The following CHN1 variants were observed in gnomAD, a reference collection of about 807,000 sequenced individuals.
The protein encoded by CHN1 is chimerin 1.
CHN1 carries 37 observed loss-of-function variants against 59.5 expected under a neutral mutation model. The ratio of observed to expected loss-of-function variants is 0.62; its 90% CI spans 0.48 to 0.82. The LOEUF (loss-of-function observed/expected upper bound fraction) is 0.82. Among genes scored for constraint, CHN1 ranks in the 40% least tolerant of loss-of-function variants. The pLI, the probability that CHN1 is intolerant of heterozygous loss-of-function variation, is 0.00. For missense variants in CHN1, 469 were observed against 571.0 expected (o/e 0.82, Z 1.82); for synonymous variants, 206 against 200.4 (o/e 1.03, Z -0.24).
At chr2:174,822,505 GA>G (rs573297576) in intron 8 of CHN1, among the ~76,000 whole-genome samples, 5 of 152,042 alleles carry the variant, frequency 3.3e-5, no homozygotes, top group Admixed American at 6.5e-5. Flanking sequence ...TTTCAAAATG[GA>G]AACAATATAC....
At chr2:174,915,675 A>C (rs906694587) in intron 4 of CHN1, among the ~76,000 whole-genome samples, 17 of 152,200 alleles carry the variant, frequency 1.1e-4, no homozygotes, top group African/African-American at 3.6e-4. Flanking sequence ...GCATTACTGA[A>C]CACTCAAGTC....
chr2:174,950,451 G>C (rs1472022185), intron 2 of CHN1, among the ~76,000 whole-genome samples: 3 of 151,814 alleles, frequency 2.0e-5, no homozygotes, highest in East Asian at 3.9e-4. Flanking sequence ...GTATTTAGTA[G>C]AGACGGGTTT....
chr2:174,810,436 T>C (rs1329597317), intron 10 of CHN1, among the ~76,000 whole-genome samples: 1 of 152,218 alleles, frequency 6.6e-6, no homozygotes, highest in East Asian at 1.9e-4. Flanking sequence ...TACAGGAAAC[T>C]GTGTCATTTC....
chr2:174,955,184 C>CTATATA lies in CHN1; in HGVS notation c.20-2988_20-2983dup, dbSNP rs368644554. 8.8e-3 allele frequency among the ~76,000 whole-genome samples: 729 copies of CTATATA among 82,708 alleles called. 8 individuals carry two copies. Among genetic ancestry groups the CTATATA allele is most frequent in the South Asian group, 0.031 (118 of 3,852 alleles). The allele number at this position is 82,708 out of a possible 152,430, so 54.3% of individuals were successfully genotyped here. A position where few individuals can be genotyped will look rare whatever the true frequency, so the allele number is the denominator to read the frequency against. The stretch of plus-strand genomic sequence containing the variant: ...TCTATATATCTCTATATATCTATAT[C>CTATATA]TATATATATATATATAATTGATATA... On this transcript the variant is annotated intron_variant, in intron 1 of 12. Coordinates refer to ENST00000409900, the MANE Select transcript of CHN1 (RefSeq NM_001822.7).
intron 6 of CHN1, 83 bp downstream of exon 6, chr2:174,877,756 TA>T: frequency 7.9e-7 from 1 of 1,269,638 alleles, no homozygotes; most frequent in Non-Finnish European, 1.1e-6. Flanking sequence ...GCACTGTGGA[TA>T]AATCAATCTC....
intron 7 of CHN1, among the ~76,000 whole-genome samples, chr2:174,842,043 T>C: frequency 6.6e-6 from 1 of 152,222 alleles, no homozygotes; most frequent in Non-Finnish European, 1.5e-5. Context: ...ATACAGATCT[T>C]AAGACCAATA....
chr2:174,936,922 GATT>G (rs1689515232), intron 3 of CHN1, among the ~76,000 whole-genome samples: 1 of 152,066 alleles, frequency 6.6e-6, no homozygotes, highest in Non-Finnish European at 1.5e-5. Context: ...CTTTAAGAAG[GATT>G]ATTTATATCT....
At chr2:174,996,974 T>A (rs992750387) in intron 1 of CHN1, among the ~76,000 whole-genome samples, 3 of 152,154 alleles carry the variant, frequency 2.0e-5, no homozygotes, top group African/African-American at 7.2e-5. Context: ...GTGAGACAGG[T>A]AACCCCTTAC....
At chr2:174,966,053 T>C (rs1429416693) in intron 1 of CHN1, among the ~76,000 whole-genome samples, 3 of 152,212 alleles carry the variant, frequency 2.0e-5, no homozygotes, top group Non-Finnish European at 4.4e-5. Context: ...GCTAGGTTTC[T>C]AGGTATCTCA....
chr2:174,998,174 A>G (rs1330955380), intron 1 of CHN1, among the ~76,000 whole-genome samples: 1 of 151,162 alleles, frequency 6.6e-6, no homozygotes, highest in Non-Finnish European at 1.5e-5. Context: ...ATTGTGGCAC[A>G]TGCCTATGGT....
At chr2:174,859,181 T>G (rs184025847) in intron 6 of CHN1, among the ~76,000 whole-genome samples, 1 of 152,244 alleles carries the variant, frequency 6.6e-6, no homozygotes, top group South Asian at 2.1e-4. Flanking sequence ...GGGATGTGCA[T>G]AGATCCAGGA....
At chr2:174,962,007 C>A (rs1690425559) in intron 1 of CHN1, among the ~76,000 whole-genome samples, 1 of 152,132 alleles carries the variant, frequency 6.6e-6, no homozygotes, top group African/African-American at 2.4e-5. Flanking sequence ...TCATCGAGGG[C>A]CAGGCGCGGT....
At chr2:174,868,861 C>T (rs924387480) in intron 6 of CHN1, among the ~76,000 whole-genome samples, 3 of 152,168 alleles carry the variant, frequency 2.0e-5, no homozygotes, top group Non-Finnish European at 4.4e-5. Flanking sequence ...TGAAATCATA[C>T]AACTGCCATA....
chr2:174,823,717 T>C (rs1225200463), intron 8 of CHN1, among the ~76,000 whole-genome samples: 1 of 152,098 alleles, frequency 6.6e-6, no homozygotes. Flanking sequence ...GTATTCAGTA[T>C]AGTTGCTCTA....
intron 4 of CHN1, 108 bp from the exon 5 acceptor site, chr2:174,915,279 G>C: frequency 1.2e-6 from 1 of 836,922 alleles, no homozygotes; most frequent in Non-Finnish European, 1.9e-6. Flanking sequence ...TCAAGACAAA[G>C]TACTGCCACA....
chr2:174,886,202 C>G (rs1687889766), intron 5 of CHN1, among the ~76,000 whole-genome samples: 1 of 152,270 alleles, frequency 6.6e-6, no homozygotes, highest in East Asian at 1.9e-4. Flanking sequence ...TTTTTCAGAT[C>G]CCTATTTAAT....
intron 5 of CHN1, among the ~76,000 whole-genome samples, chr2:174,878,638 C>T (rs1687645710): frequency 6.6e-6 from 1 of 152,208 alleles, no homozygotes; most frequent in Non-Finnish European, 1.5e-5. Context: ...AGAGCTGACT[C>T]CAGAAACCTG....
At chr2:174,818,505 T>A (rs914534026) in intron 8 of CHN1, among the ~76,000 whole-genome samples, 1 of 152,206 alleles carries the variant, frequency 6.6e-6, no homozygotes, top group Non-Finnish European at 1.5e-5. Flanking sequence ...ATAACTCTTA[T>A]ATAGTTCCAT....
intron 1 of CHN1, among the ~76,000 whole-genome samples, chr2:174,985,281 C>T (rs1033150670): frequency 1.7e-4 from 26 of 152,106 alleles, no homozygotes; most frequent in Admixed American, 8.5e-4. Context: ...ATTCCCTTCC[C>T]TAATGACAAT....
Sources: gnomAD v4.1 joint callset for allele counts (sites outside exome capture counted in the v4.1 genomes callset) on GRCh38, gnomAD v4.1.1 for gene constraint, MANE v1.5 for transcripts, NCBI Gene and HGNC (gene_info 2026-07-23, HGNC 2026-07-21) for gene names.